Variants in CCDC66 observed in about 807,000 individuals in gnomAD.
The protein encoded by CCDC66 is coiled-coil domain containing 66.
CCDC66 carries 133 observed loss-of-function variants against 128.3 expected under a neutral mutation model. That is an observed-to-expected ratio of 1.04 (90% CI 0.90 to 1.20). CCDC66 has a LOEUF of 1.20. CCDC66 is among the 50% of genes most tolerant of loss of function. CCDC66 has a pLI of 0.00. For synonymous variants in CCDC66, 387 were observed against 357.0 expected (o/e 1.08, Z -0.95); for missense variants, 1,126 against 1,075.5 (o/e 1.05, Z -0.66).
chr3:56,581,491 CTGAT>C (rs1352232710), intron 7 of CCDC66, among the ~76,000 whole-genome samples: 1 of 151,822 alleles, frequency 6.6e-6, no homozygotes, highest in Non-Finnish European at 1.5e-5. Context: ...AAGAGGTGCT[CTGAT>C]TTTTAGAATT....
chr3:56,607,984 C>T (rs1413673047), intron 10 of CCDC66, among the ~76,000 whole-genome samples: 1 of 152,068 alleles, frequency 6.6e-6, no homozygotes, highest in South Asian at 2.1e-4. Flanking sequence ...GTATGAAACC[C>T]ACTTGATCAT....
At chr3:56,604,888 T>C (rs944206149) in intron 10 of CCDC66, among the ~76,000 whole-genome samples, 2 of 152,104 alleles carry the variant, frequency 1.3e-5, no homozygotes, top group Non-Finnish European at 2.9e-5. Context: ...CCATTCTCCC[T>C]GTCACTTTCA....
At chr3:56,558,158 CCT>C (rs1385437899) in intron 1 of CCDC66, among the ~76,000 whole-genome samples, 1 of 152,144 alleles carries the variant, frequency 6.6e-6, no homozygotes, top group Non-Finnish European at 1.5e-5. Context: ...CCTTTCCCAG[CCT>C]CTCTCTCCCT....
rs1471251917 is a variant in CCDC66, at chr3:56,593,666, A to G, written c.1244A>G (p.Gln415Arg). 2 of 1,614,246 alleles carry G rather than the reference A, an allele frequency of 1.2e-6. No homozygotes were observed. The highest frequency in any genetic ancestry group is 1.7e-6 in the Non-Finnish European group (2 of 1,180,044). Residue 415 changes from glutamine to arginine, a missense_variant, in exon 9 of 18, where the codon CAG (glutamine) becomes CGG (arginine). Coordinates refer to ENST00000394672, the MANE Select transcript of CCDC66 (RefSeq NM_001141947.3). Reference protein sequence around the residue: ...SSVCTPTTGSQVEPSEEEHIA... With the variant: ...SSVCTPTTGSRVEPSEEEHIA... The stretch of plus-strand genomic sequence containing the variant: ...GTTTGTACACCTACAACCGGAAGCC[A>G]GGTTGAACCTTCAGAGGAGGAGCAT...
chr3:56,559,337 T>C (rs1375530350), intron 2 of CCDC66, among the ~76,000 whole-genome samples: 1 of 151,344 alleles, frequency 6.6e-6, no homozygotes, highest in African/African-American at 2.4e-5. Context: ...CTCCTTCGCA[T>C]TTTTTTTTCT....
intron 10 of CCDC66, among the ~76,000 whole-genome samples, chr3:56,610,223 T>C (rs2107285233): frequency 6.6e-6 from 1 of 152,320 alleles, no homozygotes; most frequent in East Asian, 1.9e-4. Context: ...TTCTTAGGTT[T>C]GGTCATCCGA....
intron 12 of CCDC66, 37 bp downstream of exon 12, chr3:56,615,309 TAGA>T (rs775836858): frequency 6.4e-7 from 1 of 1,555,554 alleles, no homozygotes; most frequent in South Asian, 1.2e-5. Flanking sequence ...ATAATATTTT[TAGA>T]AGATGATTTT....
chr3:56,618,972 C>G, intron 15 of CCDC66: 1 of 245,840 alleles, frequency 4.1e-6, no homozygotes, highest in Non-Finnish European at 7.6e-6. Flanking sequence ...AATCCCAGCA[C>G]TTTGGGAGGC....
chr3:56,618,393 C>G (rs1350538942), intron 15 of CCDC66, 181 bp downstream of exon 15: 1 of 543,530 alleles, frequency 1.8e-6, no homozygotes, highest in Non-Finnish European at 3.3e-6. Flanking sequence ...AGCTTGAAGG[C>G]CCAAGTTGGA....
chr3:56,586,124 ATTTGT>A (rs1231588739), intron 7 of CCDC66, among the ~76,000 whole-genome samples: 2 of 151,990 alleles, frequency 1.3e-5, no homozygotes, highest in African/African-American at 4.8e-5. Flanking sequence ...TTCTTTATGC[ATTTGT>A]TTTGTTAGAA....
intron 13 of CCDC66, chr3:56,616,257 C>T (rs1018877903): frequency 2.0e-5 from 9 of 445,462 alleles, no homozygotes; most frequent in Non-Finnish European, 3.5e-5. Context: ...TTTTGGTATT[C>T]AGTGGTGCAA....
chr3:56,586,529 CAAA>C (rs148996363), intron 7 of CCDC66, among the ~76,000 whole-genome samples: 1 of 130,614 alleles, frequency 7.7e-6, no homozygotes, highest in Admixed American at 8.0e-5. Context: ...GACTCTTTCT[CAAA>C]AAAAAAAAAA....
chr3:56,594,614 C>T (rs565749894), intron 10 of CCDC66, among the ~76,000 whole-genome samples: 15 of 151,294 alleles, frequency 9.9e-5, no homozygotes, highest in Non-Finnish European at 2.1e-4. Context: ...ACCTGGGAGG[C>T]AGAGCTTGCA....
intron 11 of CCDC66, 21 bp downstream of exon 11, chr3:56,613,771 T>C (rs17216685): frequency 0.19 from 302,821 of 1,588,060 alleles, 34,258 homozygotes; most frequent in South Asian, 0.41. Flanking sequence ...ACATTCTAAT[T>C]GTAACTTTGG....
intron 10 of CCDC66, among the ~76,000 whole-genome samples, chr3:56,605,721 G>C (rs1435493321): frequency 2.0e-5 from 3 of 151,996 alleles, no homozygotes; most frequent in Non-Finnish European, 4.4e-5. Context: ...CTACTAGGAA[G>C]TGTCTCCTAG....
At chr3:56,573,422 T>G (rs1463117946) in intron 7 of CCDC66, among the ~76,000 whole-genome samples, 2 of 152,132 alleles carry the variant, frequency 1.3e-5, no homozygotes, top group African/African-American at 4.8e-5. Context: ...CTTCAAGGTG[T>G]TGGGGAAGGG....
intron 10 of CCDC66, among the ~76,000 whole-genome samples, chr3:56,597,781 T>TTTTTTTTGGTTTTTTTTGG (rs2072340107): frequency 8.3e-6 from 1 of 120,452 alleles, no homozygotes; most frequent in African/African-American, 3.0e-5. Flanking sequence ...TTTGGGGTTT[T>TTTTTTTTGGTTTTTTTTGG]TTTTTTTTTT....
At chr3:56,576,356 C>T (rs1390723735) in intron 7 of CCDC66, among the ~76,000 whole-genome samples, 2 of 147,032 alleles carry the variant, frequency 1.4e-5, no homozygotes, top group Non-Finnish European at 3.0e-5. Flanking sequence ...CTTTTTGATG[C>T]CATTGTACAT....
rs192116573 is a variant in CCDC66, at chr3:56,605,152, T to C, written c.1405-8437T>C. On this transcript the variant is annotated intron_variant, in intron 10 of 17. Transcript: ENST00000394672. ...TTTATGTTCTTCTCTAAACGGTTAT[T>C]CTAGTTAGCAATTTGTCTAACCTTT... Among the ~76,000 whole-genome samples the C allele has an allele frequency of 5.9e-5, 9 of 152,256 alleles. No individual in the cohort carries two copies. In the East Asian group the frequency reaches 1.5e-3, roughly 26 times the overall value.
Sources: gnomAD v4.1 joint callset for allele counts (sites outside exome capture counted in the v4.1 genomes callset) on GRCh38, gnomAD v4.1.1 for gene constraint, MANE v1.5 for transcripts, NCBI Gene and HGNC (gene_info 2026-07-23, HGNC 2026-07-21) for gene names.